PLCB1: variants seen among roughly 807,000 people sequenced by gnomAD.
PLCB1 encodes the protein 1-phosphatidylinositol 4,5-bisphosphate phosphodiesterase beta-1.
Under a neutral mutation model 161.8 loss-of-function variants are expected in PLCB1, and 46 were observed. The ratio of observed to expected loss-of-function variants is 0.28; its 90% CI spans 0.22 to 0.36. The LOEUF (loss-of-function observed/expected upper bound fraction) is 0.36. PLCB1 is among the 10% of genes least tolerant of loss of function. The probability of loss-of-function intolerance (pLI) is 1.00; values close to 1 mark genes in which losing one functional copy is unlikely to be tolerated. For synonymous variants in PLCB1, 517 were observed against 503.7 expected (o/e 1.03, Z -0.35); for missense variants, 1,016 against 1,472.5 (o/e 0.69, Z 5.07).
chr20:8,298,924 A>G (rs1168616989), intron 2 of PLCB1, among the ~76,000 whole-genome samples: 1 of 152,192 alleles, frequency 6.6e-6, no homozygotes, highest in Non-Finnish European at 1.5e-5. Context: ...AACACGCTCC[A>G]TTAAGATTAT....
At chr20:8,733,652 G>T (rs1212969485) in intron 19 of PLCB1, among the ~76,000 whole-genome samples, 2 of 150,422 alleles carry the variant, frequency 1.3e-5, no homozygotes, top group South Asian at 2.1e-4. Context: ...GGTGGGGGGA[G>T]CGGGGAGGGA....
At chr20:8,569,207 A>G (rs1211910179) in intron 3 of PLCB1, among the ~76,000 whole-genome samples, 1 of 152,244 alleles carries the variant, frequency 6.6e-6, no homozygotes, top group Non-Finnish European at 1.5e-5. Context: ...CGTAGGAATG[A>G]TGGGAACTCA....
In PLCB1 at chr20:8,770,423, A is replaced by G. The variant is rs79627726; in HGVS notation, c.2931-4116A>G. ...TCTCCTGAATTTCTGCTTTAGTCTT[A>G]TGTACTATGAACCCCAAAAATCTGA... On this transcript the variant is annotated intron_variant, in intron 26 of 31. Transcript: ENST00000338037. 5.5e-3 allele frequency among the ~76,000 whole-genome samples: 832 copies of G among 152,344 alleles called. 6 individuals are homozygous for G. Among genetic ancestry groups the G allele is most frequent in the African/African-American group, 0.019 (799 of 41,578 alleles).
At chr20:8,673,488 T>C (rs1276520347) in intron 9 of PLCB1, among the ~76,000 whole-genome samples, 4 of 152,218 alleles carry the variant, frequency 2.6e-5, no homozygotes, top group Non-Finnish European at 4.4e-5. Flanking sequence ...TCTAAGACTT[T>C]GTTAGGACTC....
intron 2 of PLCB1, among the ~76,000 whole-genome samples, chr20:8,289,126 C>A (rs1377142709): frequency 1.3e-5 from 2 of 152,154 alleles, no homozygotes; most frequent in Non-Finnish European, 2.9e-5. Flanking sequence ...ACCCGGGTTC[C>A]CATTCTCCAG....
intron 2 of PLCB1, among the ~76,000 whole-genome samples, chr20:8,220,518 G>C (rs1355357189): frequency 6.6e-6 from 1 of 152,204 alleles, no homozygotes; most frequent in Non-Finnish European, 1.5e-5. Flanking sequence ...CTGATAAGAA[G>C]AGGAGATGAT....
At chr20:8,670,568 G>C (rs1303366258) in intron 9 of PLCB1, among the ~76,000 whole-genome samples, 1 of 152,160 alleles carries the variant, frequency 6.6e-6, no homozygotes, top group African/African-American at 2.4e-5. Context: ...TTGCAATCAA[G>C]ATGGAATAAC....
chr20:8,666,995 G>A (rs1989827438), intron 9 of PLCB1, among the ~76,000 whole-genome samples: 1 of 152,042 alleles, frequency 6.6e-6, no homozygotes, highest in Admixed American at 6.6e-5. Flanking sequence ...TCCTCTGAAG[G>A]AAATACTGAC....
chr20:8,724,888 G>C (rs760834441), intron 16 of PLCB1, 136 bp downstream of exon 16: 31 of 596,558 alleles, frequency 5.2e-5, no homozygotes, highest in Middle Eastern at 2.7e-4. Context: ...TGTACATTTT[G>C]ACTGCCTTGT....
At chr20:8,133,543 G>C (rs928714072) in intron 1 of PLCB1, among the ~76,000 whole-genome samples, 1 of 152,146 alleles carries the variant, frequency 6.6e-6, no homozygotes, top group Non-Finnish European at 1.5e-5. Context: ...CCAGCGCCGG[G>C]GTCTCTAATG....
chr20:8,706,805 G>T (rs1026261990), intron 11 of PLCB1, among the ~76,000 whole-genome samples: 2 of 152,106 alleles, frequency 1.3e-5, no homozygotes, highest in Admixed American at 6.5e-5. Context: ...CACCTTAGTT[G>T]AATCAAGAAT....
At chr20:8,573,002 A>C (rs770335573) in intron 3 of PLCB1, among the ~76,000 whole-genome samples, 3 of 152,122 alleles carry the variant, frequency 2.0e-5, no homozygotes, top group Non-Finnish European at 4.4e-5. Flanking sequence ...GATGAAGAAA[A>C]TTTCTCAGAA....
chr20:8,646,188 C>G lies in PLCB1; in HGVS notation c.464+7C>G, dbSNP rs1193936118. On this transcript the variant is annotated splice_region_variant and intron_variant, in intron 5 of 31. Coordinates refer to ENST00000338037, the MANE Select transcript of PLCB1 (RefSeq NM_015192.4). ...ATGCATTTCTGGAAAAAGCGTAAGTCACTCTAATTTTATTGCTAAGGGCGT... is the reference window on the plus strand; with the variant it reads ...ATGCATTTCTGGAAAAAGCGTAAGTGACTCTAATTTTATTGCTAAGGGCGT... 2.5e-6 allele frequency: 4 copies of G among 1,598,674 alleles called. No homozygotes were observed. Among genetic ancestry groups the G allele is most frequent in the Non-Finnish European group, 3.4e-6 (4 of 1,165,976 alleles).
chr20:8,457,014 T>C (rs1981345469), intron 3 of PLCB1, among the ~76,000 whole-genome samples: 1 of 152,242 alleles, frequency 6.6e-6, no homozygotes, highest in African/African-American at 2.4e-5. Flanking sequence ...AATTTCTTCA[T>C]GTCAGTCACA....
At chr20:8,653,121 A>G (rs1374828322) in intron 7 of PLCB1, 1 of 152,142 alleles carries the variant, frequency 6.6e-6, no homozygotes, top group African/African-American at 2.4e-5. Context: ...CAGCACTGGC[A>G]TACGGAGTTG....
At chr20:8,648,093 T>A in intron 6 of PLCB1, 140 bp downstream of exon 6, 1 of 563,248 alleles carries the variant, frequency 1.8e-6, no homozygotes, top group Admixed American at 3.2e-5. Context: ...CTCACACATG[T>A]CTCATGTCAG....
chr20:8,378,988 T>C (rs1012467751), intron 3 of PLCB1, among the ~76,000 whole-genome samples: 1 of 152,220 alleles, frequency 6.6e-6, no homozygotes, highest in Non-Finnish European at 1.5e-5. Flanking sequence ...TTTTTAATTT[T>C]ACTTTAATTT....
At chr20:8,837,846 T>C (rs1385288419) in intron 31 of PLCB1, among the ~76,000 whole-genome samples, 1 of 152,146 alleles carries the variant, frequency 6.6e-6, no homozygotes, top group African/African-American at 2.4e-5. Context: ...ATGGGAATAA[T>C]TGGATCCCAG....
At chr20:8,482,204 A>T (rs1299542761) in intron 3 of PLCB1, among the ~76,000 whole-genome samples, 1 of 148,172 alleles carries the variant, frequency 6.7e-6, no homozygotes, top group Non-Finnish European at 1.5e-5. Flanking sequence ...CTCGGGTTCA[A>T]GCCATTCTCC....
Sources: allele counts gnomAD v4.1 joint callset (sites outside exome capture counted in the v4.1 genomes callset), GRCh38; gene constraint gnomAD v4.1.1; transcripts MANE v1.5; gene names NCBI Gene and HGNC (gene_info 2026-07-23, HGNC 2026-07-21).